Variants in AVEN observed in about 807,000 individuals in gnomAD.
AVEN encodes the protein cell death regulator Aven.
Under a neutral mutation model 38.1 loss-of-function variants are expected in AVEN, and 41 were observed. The ratio of observed to expected loss-of-function variants is 1.08; its 90% CI spans 0.84 to 1.40. The LOEUF (loss-of-function observed/expected upper bound fraction) is 1.40. Ranked by LOEUF, AVEN falls within the 40% of genes most tolerant of loss-of-function variation. AVEN has a pLI of 0.00. For missense variants in AVEN, 605 were observed against 438.8 expected (o/e 1.38, Z -3.38); for synonymous variants, 206 against 171.8 (o/e 1.20, Z -1.56).
At chr15:33,863,549 G>T (rs142682526), downstream of AVEN, among the ~76,000 whole-genome samples, 14 of 152,290 alleles carry the variant, frequency 9.2e-5, no homozygotes, top group East Asian at 2.7e-3. Context: ...TGAGAGTTCA[G>T]CCCCTGCCCC....
At chr15:34,014,345 CA>C (rs745966029) in intron 1 of AVEN, among the ~76,000 whole-genome samples, 67 of 107,700 alleles carry the variant, frequency 6.2e-4, no homozygotes, top group Non-Finnish European at 1.0e-3. Flanking sequence ...GCTTAAGCAA[CA>C]AGAGCGAAAC....
chr15:34,002,194 G>A (rs185666314), intron 2 of AVEN, among the ~76,000 whole-genome samples: 1 of 152,236 alleles, frequency 6.6e-6, no homozygotes, highest in East Asian at 1.9e-4. Flanking sequence ...GCACACGTGT[G>A]TATATTAAGT....
intron 5 of AVEN, among the ~76,000 whole-genome samples, chr15:34,049,204 G>A (rs1214765569): frequency 6.6e-6 from 1 of 152,230 alleles, no homozygotes; most frequent in Non-Finnish European, 1.5e-5. Flanking sequence ...CTGAAGCTGA[G>A]ATGGCTGAAT....
At chr15:33,984,002 A>G (rs1237176602) in intron 2 of AVEN, among the ~76,000 whole-genome samples, 1 of 152,102 alleles carries the variant, frequency 6.6e-6, no homozygotes, top group Non-Finnish European at 1.5e-5. Context: ...AAAAGTGTCA[A>G]TTTCAGAAAA....
At chr15:33,861,127 C>G in intron 11 of AVEN, 2 of 1,597,964 alleles carry the variant, frequency 1.3e-6, no homozygotes, top group Non-Finnish European at 1.7e-6. Context: ...GACACAACCC[C>G]TCATGGTTTT....
At chr15:34,009,282 A>G (rs1351233167) in intron 1 of AVEN, among the ~76,000 whole-genome samples, 2 of 152,206 alleles carry the variant, frequency 1.3e-5, no homozygotes, top group Admixed American at 1.3e-4. Context: ...AACTAAAAAC[A>G]AGTGGTCCTA....
At chr15:34,019,538 A>G (rs1326523394) in intron 1 of AVEN, among the ~76,000 whole-genome samples, 2 of 152,102 alleles carry the variant, frequency 1.3e-5, no homozygotes, top group Non-Finnish European at 2.9e-5. Flanking sequence ...CTCACCACTC[A>G]CTCACTGACT....
chr15:34,019,010 C>A (rs1237214057), intron 1 of AVEN, among the ~76,000 whole-genome samples: 1 of 151,830 alleles, frequency 6.6e-6, no homozygotes, highest in Admixed American at 6.6e-5. Flanking sequence ...CATCTACAAT[C>A]TAACTAGACA....
At chr15:34,024,767 A>G (rs895711570) in intron 1 of AVEN, among the ~76,000 whole-genome samples, 1 of 151,466 alleles carries the variant, frequency 6.6e-6, no homozygotes, top group East Asian at 1.9e-4. Context: ...AGGCTGAGGC[A>G]GGAGAATAGC....
chr15:34,015,596 T>C (rs546058144), intron 1 of AVEN, among the ~76,000 whole-genome samples: 24 of 152,234 alleles, frequency 1.6e-4, no homozygotes, highest in African/African-American at 5.8e-4. Flanking sequence ...AATTCCACCC[T>C]CGGTCTTTAG....
At chr15:33,955,860 A>G (rs1304986180) in intron 2 of AVEN, among the ~76,000 whole-genome samples, 3 of 152,254 alleles carry the variant, frequency 2.0e-5, no homozygotes. Context: ...AGCTACAAAC[A>G]GCAATAAGCA....
intron 2 of AVEN, among the ~76,000 whole-genome samples, chr15:33,880,662 T>C (rs536446297): frequency 2.4e-4 from 37 of 152,314 alleles, no homozygotes; most frequent in African/African-American, 8.7e-4. Flanking sequence ...ATGATCTCTA[T>C]AATTTTTAAT....
At chr15:33,953,676 C>T (rs909336167) in intron 2 of AVEN, among the ~76,000 whole-genome samples, 2 of 152,084 alleles carry the variant, frequency 1.3e-5, no homozygotes, top group African/African-American at 4.8e-5. Context: ...GACCTAAAAC[C>T]ATAAAAACCC....
In AVEN at chr15:33,915,437, T is replaced by C. The variant is rs114733402; in HGVS notation, c.446-39442A>G. On this transcript the variant is annotated intron_variant, in intron 2 of 5. Coordinates refer to ENST00000306730, the MANE Select transcript of AVEN (RefSeq NM_020371.3). ...GAAGGTCCAGATCACAAGAGAAGAA[T>C]ATGACTTACCTGGAGCTGAGACAAA... Among the ~76,000 whole-genome samples the C allele has an allele frequency of 8.4e-3, 1,280 of 152,178 alleles. 15 individuals carry two copies. Among genetic ancestry groups the C allele is most frequent in the African/African-American group, 0.028 (1,177 of 41,532 alleles).
intron 2 of AVEN, among the ~76,000 whole-genome samples, chr15:33,878,499 T>C (rs1267116925): frequency 6.6e-6 from 1 of 152,166 alleles, no homozygotes; most frequent in Non-Finnish European, 1.5e-5. Flanking sequence ...AAACATATTT[T>C]GTATGAATCA....
intron 1 of AVEN, among the ~76,000 whole-genome samples, chr15:34,038,245 G>A (rs536765600): frequency 8.5e-5 from 13 of 152,276 alleles, no homozygotes; most frequent in African/African-American, 2.9e-4. Context: ...AAATACTAGA[G>A]TCCAGTCGTA....
At chr15:34,022,501 C>CA (rs1200788962) in intron 1 of AVEN, among the ~76,000 whole-genome samples, 10 of 152,160 alleles carry the variant, frequency 6.6e-5, no homozygotes, top group African/African-American at 2.4e-4. Context: ...CAAAGCTCCC[C>CA]ATCCATCAGA....
chr15:34,038,217 G>A (rs1899244289), intron 1 of AVEN, among the ~76,000 whole-genome samples: 1 of 152,176 alleles, frequency 6.6e-6, no homozygotes, highest in Non-Finnish European at 1.5e-5. Context: ...AAAGAACTAT[G>A]CATCTGGTCC....
At chr15:34,062,676 C>T in intron 5 of AVEN, 3 of 1,563,036 alleles carry the variant, frequency 1.9e-6, no homozygotes, top group Non-Finnish European at 1.7e-6. Flanking sequence ...TAGAAAACAG[C>T]CTAGAACCTA....
Sources: gnomAD v4.1 joint callset for allele counts (sites outside exome capture counted in the v4.1 genomes callset) on GRCh38, gnomAD v4.1.1 for gene constraint, MANE v1.5 for transcripts, NCBI Gene and HGNC (gene_info 2026-07-23, HGNC 2026-07-21) for gene names.